CGGBP1: variants seen among roughly 807,000 people sequenced by gnomAD.
The protein encoded by CGGBP1 is CGG triplet repeat-binding protein 1.
A neutral mutation model predicts 11.4 loss-of-function variants in CGGBP1; 4 were observed. The ratio of observed to expected loss-of-function variants is 0.35; its 90% CI spans 0.17 to 0.80. The LOEUF is 0.80. Among genes scored for constraint, CGGBP1 ranks in the 30% least tolerant of loss-of-function variants. The pLI, the probability that CGGBP1 is intolerant of heterozygous loss-of-function variation, is 0.52. For synonymous variants in CGGBP1, 76 were observed against 74.1 expected, an observed-to-expected ratio of 1.03 and a Z score of -0.13; for missense variants, 135 against 202.1, an observed-to-expected ratio of 0.67 and a Z score of 2.01.
At chr3:88,087,545 C>A (rs530611132) in intron 2 of CGGBP1, among the ~76,000 whole-genome samples, 1 of 152,108 alleles carries the variant, frequency 6.6e-6, no homozygotes, top group Non-Finnish European at 1.5e-5. Flanking sequence ...AGTGAATGAA[C>A]GATTTCTACA....
intron 2 of CGGBP1, among the ~76,000 whole-genome samples, chr3:88,106,321 G>A (rs562630904): frequency 4.1e-4 from 62 of 152,064 alleles, no homozygotes; most frequent in Non-Finnish European, 7.2e-4. Context: ...AGTTGAAAAT[G>A]TATATTTTTT....
chr3:88,084,084 C>T (rs1380581010), intron 2 of CGGBP1, among the ~76,000 whole-genome samples: 1 of 152,042 alleles, frequency 6.6e-6, no homozygotes, highest in Non-Finnish European at 1.5e-5. Context: ...GTTTATGTCC[C>T]TTTCAGGGTA....
intron 2 of CGGBP1, among the ~76,000 whole-genome samples, chr3:88,112,253 CTA>C (rs1705136055): frequency 6.7e-6 from 1 of 148,298 alleles, no homozygotes; most frequent in East Asian, 2.0e-4. Context: ...TAATTTTAGT[CTA>C]TTAGTGATTT....
At chr3:88,140,834 C>T in intron 2 of CGGBP1, 1 of 1,613,612 alleles carries the variant, frequency 6.2e-7, no homozygotes, top group Middle Eastern at 1.6e-4. Flanking sequence ...CTCCCAGTTA[C>T]CTTGATGAAC....
At chr3:88,130,465 T>A (rs1258561758) in intron 2 of CGGBP1, among the ~76,000 whole-genome samples, 1 of 152,134 alleles carries the variant, frequency 6.6e-6, no homozygotes, top group African/African-American at 2.4e-5. Flanking sequence ...TGTTTTTGTT[T>A]TTTGGAGACA....
chr3:88,121,865 A>T (rs1705788936), intron 2 of CGGBP1, among the ~76,000 whole-genome samples: 1 of 152,132 alleles, frequency 6.6e-6, no homozygotes, highest in Non-Finnish European at 1.5e-5. Flanking sequence ...TTTATTCTGG[A>T]ATCTTCATTT....
At chr3:88,090,187 A>T (rs546986023) in intron 2 of CGGBP1, among the ~76,000 whole-genome samples, 1 of 152,338 alleles carries the variant, frequency 6.6e-6, no homozygotes, top group Admixed American at 6.5e-5. Flanking sequence ...AGCCACAGGC[A>T]GGTTCTTCTG....
At chr3:88,085,912 T>G (rs1275332844) in intron 2 of CGGBP1, among the ~76,000 whole-genome samples, 1 of 152,222 alleles carries the variant, frequency 6.6e-6, no homozygotes, top group Non-Finnish European at 1.5e-5. Context: ...TTTTCTTTAT[T>G]ACTATATTCT....
chr3:88,137,565 T>G (rs551613941), intron 2 of CGGBP1, among the ~76,000 whole-genome samples: 2 of 152,200 alleles, frequency 1.3e-5, no homozygotes, highest in South Asian at 4.2e-4. Flanking sequence ...ACACAGATAT[T>G]TATAAAACAA....
At chr3:88,095,158 A>G (rs1703983872) in intron 2 of CGGBP1, among the ~76,000 whole-genome samples, 1 of 152,112 alleles carries the variant, frequency 6.6e-6, no homozygotes, top group Non-Finnish European at 1.5e-5. Flanking sequence ...TATAAGAAAA[A>G]ATTTGCTCCT....
At chr3:88,139,710 A>C (rs1465281327) in intron 2 of CGGBP1, 1 of 1,570,904 alleles carries the variant, frequency 6.4e-7, no homozygotes. Context: ...TGAAAATGGC[A>C]GTCCTAATAA....
intron 2 of CGGBP1, chr3:88,126,031 A>G (rs1706080034): frequency 8.4e-7 from 1 of 1,192,056 alleles, no homozygotes; most frequent in Non-Finnish European, 1.1e-6. Context: ...TTATAATTTA[A>G]TAGCTGCCTC....
chr3:88,080,434 A>C (rs1299785280), intron 2 of CGGBP1, among the ~76,000 whole-genome samples: 1 of 152,150 alleles, frequency 6.6e-6, no homozygotes, highest in East Asian at 1.9e-4. Context: ...CATGCCAGGA[A>C]TTATCCTATA....
rs887931430 is a variant in CGGBP1, at chr3:88,052,392, G to C, written c.*3081C>G. The C allele has an allele frequency of 6.6e-6, 1 of 152,544 alleles. No individual in the cohort carries two copies. The highest frequency in any genetic ancestry group is 1.5e-5 in the Non-Finnish European group (1 of 68,014). The allele number at this position is 152,544 out of a possible 1,614,324, so 9.4% of individuals were successfully genotyped here. A position where few individuals can be genotyped will look rare whatever the true frequency, so the allele number is the denominator to read the frequency against. On this transcript the variant is annotated 3_prime_UTR_variant, in exon 4 of 4. Coordinates refer to ENST00000482016, the MANE Select transcript of CGGBP1 (RefSeq NM_001008390.2). Reference sequence around the variant, plus strand: ...TTAAGGTGATTTGTCCTCATTTAACGGTAGCTGGGGTAAGTCAAACCACAG... The same window carrying C: ...TTAAGGTGATTTGTCCTCATTTAACCGTAGCTGGGGTAAGTCAAACCACAG...
In CGGBP1 at chr3:88,121,642, TA is replaced by T. The variant is rs377737945; in HGVS notation, c.-229+19327del. On this transcript the variant is annotated intron_variant, in intron 2 of 3. Transcript: ENST00000462901. ...AAATGCATAACATCCTTAAATTTTA[TA>T]ACTTTATGAAGTGCTTTGCTATGAG... Among the ~76,000 whole-genome samples, 78 of 152,338 alleles carry T rather than the reference TA, an allele frequency of 5.1e-4. No individual in the cohort carries two copies. In the East Asian group the frequency reaches 0.012, roughly 24 times the overall value.
intron 2 of CGGBP1, chr3:88,086,415 T>A: frequency 6.7e-7 from 1 of 1,483,274 alleles, no homozygotes; most frequent in Non-Finnish European, 9.0e-7. Flanking sequence ...AAGTACTTTT[T>A]ACTTCTTATA....
At chr3:88,082,659 A>G (rs1708140813) in intron 2 of CGGBP1, among the ~76,000 whole-genome samples, 1 of 152,204 alleles carries the variant, frequency 6.6e-6, no homozygotes, top group Non-Finnish European at 1.5e-5. Context: ...GGGTTTAGAT[A>G]TGAAGATCAT....
At chr3:88,064,883 TGAAAAG>T (rs999529857) in intron 2 of CGGBP1, among the ~76,000 whole-genome samples, 20 of 152,236 alleles carry the variant, frequency 1.3e-4, no homozygotes, top group African/African-American at 4.8e-4. Flanking sequence ...ATATGAAAGA[TGAAAAG>T]GAAAGTATTG....
At chr3:88,061,592 A>C (rs1706886502), upstream of CGGBP1, among the ~76,000 whole-genome samples, 1 of 152,126 alleles carries the variant, frequency 6.6e-6, no homozygotes. Context: ...AGCTTTGTGA[A>C]GTCCTTTTTT....
Sources: allele counts gnomAD v4.1 joint callset (sites outside exome capture counted in the v4.1 genomes callset), GRCh38; gene constraint gnomAD v4.1.1; transcripts MANE v1.5; gene names NCBI Gene and HGNC (gene_info 2026-07-23, HGNC 2026-07-21).